The following GALK2 variants were observed in gnomAD, a reference collection of about 807,000 sequenced individuals.
The protein encoded by GALK2 is N-acetylgalactosamine kinase.
GALK2 carries 36 observed loss-of-function variants against 52.4 expected under a neutral mutation model. The ratio of observed to expected loss-of-function variants is 0.69; its 90% CI spans 0.53 to 0.91. GALK2 has a LOEUF of 0.91. Ranked by LOEUF, GALK2 falls within the 40% of genes least tolerant of loss-of-function variation. The probability of loss-of-function intolerance (pLI) is 0.00; values close to 1 mark genes in which losing one functional copy is unlikely to be tolerated. For missense variants in GALK2, 579 were observed against 559.1 expected, an observed-to-expected ratio of 1.04 and a Z score of -0.36; for synonymous variants, 176 against 199.1, an observed-to-expected ratio of 0.88 and a Z score of 0.98.
intron 1 of GALK2, chr15:49,177,663 C>A (rs62009777): frequency 3.1e-6 from 1 of 323,962 alleles, no homozygotes; most frequent in East Asian, 7.4e-5. Context: ...TGAGAATCAC[C>A]AGGAGTGTGG....
At chr15:49,239,167 T>C in intron 4 of GALK2, 54 bp from the exon 5 acceptor site, 1 of 1,514,348 alleles carries the variant, frequency 6.6e-7, no homozygotes. Flanking sequence ...AAGCTTTCAC[T>C]ACTCCTTGAA....
intron 5 of GALK2, among the ~76,000 whole-genome samples, chr15:49,271,284 C>A: frequency 6.6e-6 from 1 of 152,080 alleles, no homozygotes; most frequent in East Asian, 1.9e-4. Flanking sequence ...TCCCCAACAA[C>A]TTTTTTTTAG....
At chr15:49,351,710 G>A (rs1173801751) in intron 3 of GALK2, among the ~76,000 whole-genome samples, 1 of 152,048 alleles carries the variant, frequency 6.6e-6, no homozygotes, top group Admixed American at 6.5e-5. Context: ...TGGACAGACA[G>A]AAAAGTTGAA....
At chr15:49,354,855 A>G (rs1280307520) in intron 3 of GALK2, among the ~76,000 whole-genome samples, 1 of 151,964 alleles carries the variant, frequency 6.6e-6, no homozygotes, top group Non-Finnish European at 1.5e-5. Flanking sequence ...ACAGCTTTGA[A>G]GAGAGCAGTG....
chr15:49,319,150 C>CA (rs1485197080), intron 8 of GALK2: 6 of 359,944 alleles, frequency 1.7e-5, no homozygotes, highest in Admixed American at 7.6e-5. Context: ...GATGGGTTTT[C>CA]ACCATGTTGG....
chr15:49,274,112 C>G (rs1421559602), intron 5 of GALK2, among the ~76,000 whole-genome samples: 2 of 152,096 alleles, frequency 1.3e-5, no homozygotes, highest in African/African-American at 2.4e-5. Flanking sequence ...CAGAGAGCAC[C>G]GGAGCCTGTT....
At chr15:49,361,585 T>A (rs1244586729) in intron 3 of GALK2, among the ~76,000 whole-genome samples, 1 of 152,196 alleles carries the variant, frequency 6.6e-6, no homozygotes, top group Non-Finnish European at 1.5e-5. Context: ...TCTTGTTAGT[T>A]TTTATGGCTG....
At chr15:49,281,851 A>C (rs1262233634) in intron 5 of GALK2, 136 bp from the exon 6 acceptor site, 1 of 582,898 alleles carries the variant, frequency 1.7e-6, no homozygotes, top group Admixed American at 3.2e-5. Context: ...TTTTTAATGC[A>C]GTGCTCCAGG....
Position 49,319,683 on chromosome 15 carries a change from T to TGAA in GALK2, c.1052_1054dup (p.Glu351dup), listed in dbSNP as rs746428107. ...GAGTGCTCCAGTTTAAGAAGATATGTGAAGAAGCACCTGAAAACATGGTCC... is the reference window on the plus strand; with the variant it reads ...GAGTGCTCCAGTTTAAGAAGATATGTGAAGAAGAAGCACCTGAAAACATGGTCC... On this transcript the variant is annotated inframe_insertion, in exon 9 of 10. Coordinates refer to ENST00000560031, the MANE Select transcript of GALK2 (RefSeq NM_002044.4). The TGAA allele has an allele frequency of 1.1e-5, 17 of 1,613,952 alleles. No individual in the cohort carries two copies. Among genetic ancestry groups the TGAA allele is most frequent in the Non-Finnish European group, 1.4e-5 (16 of 1,180,032 alleles).
intron 5 of GALK2, among the ~76,000 whole-genome samples, chr15:49,279,851 A>G (rs987760897): frequency 6.6e-6 from 1 of 152,226 alleles, no homozygotes; most frequent in Non-Finnish European, 1.5e-5. Flanking sequence ...TTTTTAATGT[A>G]CATATTATGG....
chr15:49,353,871 T>A (rs183267042), intron 3 of GALK2: 8 of 152,324 alleles, frequency 5.3e-5, no homozygotes, highest in Admixed American at 3.3e-4. Context: ...AATTAAGTAG[T>A]CAATGACTTG....
chr15:49,259,471 A>G (rs2091985108), intron 5 of GALK2, among the ~76,000 whole-genome samples: 1 of 150,858 alleles, frequency 6.6e-6, no homozygotes. Context: ...TAGTTTACTG[A>G]GAATGATGAT....
intron 8 of GALK2, among the ~76,000 whole-genome samples, chr15:49,304,798 A>G (rs1199522153): frequency 1.3e-5 from 2 of 152,254 alleles, no homozygotes; most frequent in African/African-American, 2.4e-5. Context: ...ATCTGGGACA[A>G]TGAATATTGC....
At chr15:49,204,464 A>C (rs2088094202) in intron 2 of GALK2, among the ~76,000 whole-genome samples, 1 of 152,092 alleles carries the variant, frequency 6.6e-6, no homozygotes, top group African/African-American at 2.4e-5. Context: ...CAGTCCAAGA[A>C]TGTGGGATGT....
At chr15:49,318,109 A>G (rs1342421846) in intron 8 of GALK2, 1 of 152,162 alleles carries the variant, frequency 6.6e-6, no homozygotes, top group African/African-American at 2.4e-5. Flanking sequence ...TCTTTCCCCT[A>G]GGCCTGGGAA....
intron 9 of GALK2, among the ~76,000 whole-genome samples, chr15:49,326,255 ATTTTT>A (rs35381509): frequency 9.9e-6 from 1 of 100,690 alleles, no homozygotes; most frequent in East Asian, 2.9e-4. Context: ...TATGACAACC[ATTTTT>A]TTTTTTTTTT....
intron 9 of GALK2, 156 bp from the exon 10 acceptor site, chr15:49,327,796 T>G: frequency 1.6e-6 from 1 of 633,344 alleles, no homozygotes; most frequent in Non-Finnish European, 2.6e-6. Flanking sequence ...TGAAACAGTA[T>G]AAATGTCTTA....
At position 49,230,976 on chromosome 15, in the gene GALK2, G is replaced by A. The variant is rs182792994; in HGVS notation, c.267-4875G>A. On this transcript the variant is annotated intron_variant, in intron 3 of 9. Coordinates refer to ENST00000560031, the MANE Select transcript of GALK2 (RefSeq NM_002044.4). ...AGATAGGGATGTGGGAAAGAGCAAA[G>A]ATCAATAACTAATCAAAAAGCAGTT... Among the ~76,000 whole-genome samples the A allele has an allele frequency of 6.4e-3, 975 of 152,232 alleles. 15 individuals carry two copies. Among genetic ancestry groups the A allele is most frequent in the African/African-American group, 0.022 (919 of 41,526 alleles).
Position 49,319,795 on chromosome 15 carries a change from G to A in GALK2, c.1159G>A (p.Asp387Asn). 1 of 1,613,526 alleles carries A rather than the reference G, an allele frequency of 6.2e-7. No homozygotes were observed. Among genetic ancestry groups the A allele is most frequent in the Non-Finnish European group, 8.5e-7 (1 of 1,179,888 alleles). Residue 387 changes from aspartate to asparagine, a missense_variant, in exon 9 of 10, where the codon GAC (aspartate) becomes AAC (asparagine). By Grantham distance (23) the Asp-to-Asn change is conservative. Transcript: ENST00000560031. ...CSCPELDQLVDICRKFGAQGS... is the reference protein window; with the variant it reads ...CSCPELDQLVNICRKFGAQGS... Reference sequence around the variant, plus strand: ...CTGCCCCGAGCTGGATCAGCTGGTGGACATCTGTCGGTGAGGCAGCCTGGT... The same window carrying A: ...CTGCCCCGAGCTGGATCAGCTGGTGAACATCTGTCGGTGAGGCAGCCTGGT...
Sources: gnomAD v4.1 joint callset for allele counts (sites outside exome capture counted in the v4.1 genomes callset) on GRCh38, gnomAD v4.1.1 for gene constraint, MANE v1.5 for transcripts, NCBI Gene and HGNC (gene_info 2026-07-23, HGNC 2026-07-21) for gene names.